The following OR5V1 variants were observed in gnomAD, a reference collection of about 807,000 sequenced individuals.
OR5V1 encodes olfactory receptor 5V1.
For missense variants in OR5V1, 365 were observed against 371.5 expected (o/e 0.98, Z 0.14); for synonymous variants, 134 against 143.2 (o/e 0.94, Z 0.46).
intron 1 of OR5V1, among the ~76,000 whole-genome samples, chr6:29,366,662 A>G (rs9257792): frequency 0.091 from 13,917 of 152,242 alleles, 1,029 homozygotes; most frequent in African/African-American, 0.21. Flanking sequence ...GCACTGAATT[A>G]CAGTTAGTGT....
In OR5V1 at chr6:29,355,902, C is replaced by A; in HGVS notation, c.294G>T (p.Val98=). The change falls in exon 2 of 2, where the codon GTG becomes GTT. Residue 98 remains valine, a synonymous_variant. Transcript: ENST00000641768. The stretch of plus-strand genomic sequence containing the variant: ...AGAAAACAAATGCAAAAAGTTGAAC[C>A]ACACACCCCACATAAGAAATGCTTT... The part of the protein sequence containing the change: ...KKKSISYVGC[V]VQLFAFVFFV... The A allele has an allele frequency of 6.2e-7, 1 of 1,614,042 alleles. No homozygotes were observed. Among genetic ancestry groups the A allele is most frequent in the South Asian group, 1.1e-5 (1 of 91,080 alleles).
At chr6:29,364,906 C>T (rs1265569151) in intron 1 of OR5V1, among the ~76,000 whole-genome samples, 3 of 151,018 alleles carry the variant, frequency 2.0e-5, no homozygotes, top group Non-Finnish European at 4.4e-5. Flanking sequence ...ATACTGGTAC[C>T]AAAACTGATA....
intron 1 of OR5V1, among the ~76,000 whole-genome samples, chr6:29,361,260 C>G (rs1231913338): frequency 1.3e-5 from 2 of 152,084 alleles, no homozygotes; most frequent in African/African-American, 4.8e-5. Context: ...GGAAAAAAGT[C>G]TCCAAGAAAT....
At chr6:29,363,713 T>C (rs1778697652) in intron 1 of OR5V1, among the ~76,000 whole-genome samples, 1 of 152,166 alleles carries the variant, frequency 6.6e-6, no homozygotes, top group Non-Finnish European at 1.5e-5. Context: ...ATTATCTCAA[T>C]AGATGCAGAA....
rs748683961 is a variant in OR5V1, at chr6:29,355,798, G to GAATACCTT, written c.390_397dup (p.Ser133Ter). The GAATACCTT allele has an allele frequency of 1.2e-6, 2 of 1,614,002 alleles. No homozygotes were observed. The highest frequency in any genetic ancestry group is 2.2e-5 in the South Asian group (2 of 91,078). On this transcript the variant is annotated stop_gained and frameshift_variant, in exon 2 of 2. Transcript: ENST00000641768. LOFTEE classifies it low-confidence loss of function (END_TRUNC). ...GCATAGAACCTTGCTCAGAATAACTGAATACCTTAAAGGATTGCAGATTGC... is the reference window on the plus strand; with the variant it reads ...GCATAGAACCTTGCTCAGAATAACTGAATACCTTAATACCTTAAAGGATTGCAGATTGC...
rs933963823 is a variant in OR5V1, at chr6:29,358,092, G to A, written c.-82-1815C>T. 9.2e-5 allele frequency among the ~76,000 whole-genome samples: 14 copies of A among 152,152 alleles called. No individual in the cohort carries two copies. The South Asian group carries it at 2.7e-3, about 29-fold the overall frequency. On this transcript the variant is annotated intron_variant, in intron 1 of 1. Coordinates refer to ENST00000641768, the MANE Select transcript of OR5V1 (RefSeq NM_030876.6). ...GTGGATATTTTTAATGAAGGGAGAG[G>A]ATAAGTTGAAAAAATTCACATAATA...
intron 1 of OR5V1, among the ~76,000 whole-genome samples, chr6:29,367,216 A>G (rs1430295322): frequency 6.6e-6 from 1 of 152,114 alleles, no homozygotes; most frequent in African/African-American, 2.4e-5. Flanking sequence ...TTTAAAGCTC[A>G]GCTTAAATGC....
intron 1 of OR5V1, among the ~76,000 whole-genome samples, chr6:29,357,057 G>C (rs1031718499): frequency 2.0e-5 from 3 of 152,030 alleles, no homozygotes; most frequent in Non-Finnish European, 4.4e-5. Flanking sequence ...TTGGGGTTAG[G>C]TTATCTGAAT....
intron 1 of OR5V1, among the ~76,000 whole-genome samples, chr6:29,362,280 T>G (rs989244591): frequency 2.6e-5 from 4 of 152,110 alleles, no homozygotes; most frequent in African/African-American, 9.7e-5. Flanking sequence ...GCACCCAGAT[T>G]CATAAAACAA....
chr6:29,360,407 C>G (rs1054843609), intron 1 of OR5V1, among the ~76,000 whole-genome samples: 1 of 152,188 alleles, frequency 6.6e-6, no homozygotes, highest in Non-Finnish European at 1.5e-5. Flanking sequence ...GGAGGGTTCT[C>G]CCAGCACAGC....
rs2151268508 is a variant in OR5V1, at chr6:29,355,362, G to A, written c.834C>T (p.Tyr278=). 6.2e-7 allele frequency: 1 copy of A among 1,614,000 alleles called. No individual in the cohort carries two copies. Among genetic ancestry groups the A allele is most frequent in the African/African-American group, 1.3e-5 (1 of 75,016 alleles). ...LKKDRLVSVL[Y]SVVTPMLNPI... ...GGTTTAGCATGGGGGTAACAACACT[G>A]TACAACACTGAAACCAACCTATCTT... Residue 278 remains tyrosine, a synonymous_variant, in exon 2 of 2, where the codon TAC becomes TAT. Transcript: ENST00000641768.
Position 29,355,668 on chromosome 6 carries a change from GTAAT to G in OR5V1, c.524_527del (p.Asn175ThrfsTer10). The G allele has an allele frequency of 1.2e-6, 2 of 1,614,018 alleles. No homozygotes were observed. The highest frequency in any genetic ancestry group is 1.7e-6 in the Non-Finnish European group (2 of 1,179,920). ...GCAAAGGGGGGATGTCACAGAAGAA[GTAAT>G]TAATCTGATTGTTGCCACAGAAGGG... On this transcript the variant is annotated frameshift_variant, in exon 2 of 2. Coordinates refer to ENST00000641768, the MANE Select transcript of OR5V1 (RefSeq NM_030876.6). LOFTEE classifies it low-confidence loss of function (END_TRUNC).
intron 1 of OR5V1, among the ~76,000 whole-genome samples, chr6:29,358,348 G>A (rs1778413239): frequency 6.6e-6 from 1 of 152,044 alleles, no homozygotes; most frequent in Non-Finnish European, 1.5e-5. Flanking sequence ...AAAGGGAACT[G>A]GCACAGTGTT....
chr6:29,356,822 A>C (rs10484546), intron 1 of OR5V1, among the ~76,000 whole-genome samples: 27,762 of 152,046 alleles, frequency 0.18, 2,836 homozygotes, highest in East Asian at 0.42. Context: ...GAAATGTTGA[A>C]TAGAGGATCA....
intron 1 of OR5V1, among the ~76,000 whole-genome samples, chr6:29,363,900 C>G (rs2151278552): frequency 6.6e-6 from 1 of 152,278 alleles, no homozygotes; most frequent in Admixed American, 6.5e-5. Flanking sequence ...CAAGGATGCC[C>G]TCTCTCACCA....
intron 1 of OR5V1, among the ~76,000 whole-genome samples, chr6:29,356,583 T>C (rs956713349): frequency 2.0e-5 from 3 of 152,208 alleles, no homozygotes; most frequent in African/African-American, 7.2e-5. Context: ...GAAGAATCTC[T>C]GGTATTCATT....
chr6:29,356,900 T>C (rs778777752), intron 1 of OR5V1, among the ~76,000 whole-genome samples: 1 of 152,162 alleles, frequency 6.6e-6, no homozygotes, highest in African/African-American at 2.4e-5. Context: ...TAAAACATGA[T>C]CTTTGAGTTG....
At chr6:29,358,349 GCA>G (rs1778413644) in intron 1 of OR5V1, among the ~76,000 whole-genome samples, 1 of 152,058 alleles carries the variant, frequency 6.6e-6, no homozygotes, top group Non-Finnish European at 1.5e-5. Context: ...AAGGGAACTG[GCA>G]CAGTGTTAAT....
chr6:29,366,434 T>A (rs1778860460), intron 1 of OR5V1, among the ~76,000 whole-genome samples: 1 of 151,882 alleles, frequency 6.6e-6, no homozygotes, highest in Non-Finnish European at 1.5e-5. Context: ...ATTTGACATA[T>A]TTTGGTATGT....
Sources: allele counts gnomAD v4.1 joint callset (sites outside exome capture counted in the v4.1 genomes callset), GRCh38; gene constraint gnomAD v4.1.1; transcripts MANE v1.5; gene names NCBI Gene and HGNC (gene_info 2026-07-23, HGNC 2026-07-21).